The following PTPRD variants were observed in gnomAD, a reference collection of about 807,000 sequenced individuals.
PTPRD encodes the protein receptor-type tyrosine-protein phosphatase delta.
Under a neutral mutation model 214.5 loss-of-function variants are expected in PTPRD, and 34 were observed. That is an observed-to-expected ratio of 0.16 (90% confidence interval 0.12 to 0.21). The LOEUF is 0.21. PTPRD is among the 10% of genes least tolerant of loss of function. The pLI is 1.00. For missense variants in PTPRD, 2,545 were observed against 2,398.7 expected (o/e 1.06, Z -1.27); for synonymous variants, 1,128 against 845.7 (o/e 1.33, Z -5.79).
chr9:8,316,205 A>G lies in PTPRD; in HGVS notation c.*1669T>C, dbSNP rs1029966405. 4.7e-4 allele frequency: 108 copies of G among 229,694 alleles called. No individual in the cohort carries two copies. The highest frequency in any genetic ancestry group is 8.4e-4 in the Non-Finnish European group (97 of 115,546). The allele number at this position is 229,694 out of a possible 1,614,324, so 14.2% of individuals were successfully genotyped here. The stretch of plus-strand genomic sequence containing the variant: ...TCCCCGACTTGGCTGAAAACTAGGA[A>G]TGCATATTATTCAAAGAGTTTTTGT... On this transcript the variant is annotated 3_prime_UTR_variant, in exon 46 of 46. Coordinates refer to ENST00000381196, the MANE Select transcript of PTPRD (RefSeq NM_002839.4).
intron 8 of PTPRD, among the ~76,000 whole-genome samples, chr9:9,520,569 T>G (rs565132048): frequency 6.6e-6 from 1 of 152,292 alleles, no homozygotes; most frequent in South Asian, 2.1e-4. Flanking sequence ...CTCGTTTGCT[T>G]GCTTCACAAT....
intron 35 of PTPRD, among the ~76,000 whole-genome samples, chr9:8,405,056 C>T (rs537748556): frequency 1.3e-5 from 2 of 152,138 alleles, no homozygotes; most frequent in Non-Finnish European, 2.9e-5. Flanking sequence ...CCTATCTGGA[C>T]CTAAGCTGAG....
At chr9:9,765,041 G>A (rs1333208037) in intron 6 of PTPRD, among the ~76,000 whole-genome samples, 1 of 152,118 alleles carries the variant, frequency 6.6e-6, no homozygotes, top group Non-Finnish European at 1.5e-5. Flanking sequence ...ACAGAGATTT[G>A]TGCCTGGAGC....
intron 9 of PTPRD, among the ~76,000 whole-genome samples, chr9:9,362,440 C>G (rs2056509427): frequency 6.6e-6 from 1 of 151,124 alleles, no homozygotes; most frequent in African/African-American, 2.4e-5. Flanking sequence ...AGTGTGATAT[C>G]TACAATTCAA....
chr9:8,468,321 A>C (rs1254831701), intron 31 of PTPRD, among the ~76,000 whole-genome samples: 1 of 151,958 alleles, frequency 6.6e-6, no homozygotes, highest in African/African-American at 2.4e-5. Flanking sequence ...AAATGACCAC[A>C]TTATTTTACA....
chr9:8,453,772 G>A (rs1159751126), intron 33 of PTPRD, among the ~76,000 whole-genome samples: 1 of 152,130 alleles, frequency 6.6e-6, no homozygotes, highest in African/African-American at 2.4e-5. Flanking sequence ...TGATTTAGTA[G>A]GTCTGAGGCG....
intron 8 of PTPRD, among the ~76,000 whole-genome samples, chr9:9,551,463 A>G (rs2080216180): frequency 6.6e-6 from 1 of 151,866 alleles, no homozygotes; most frequent in Non-Finnish European, 1.5e-5. Context: ...TATTCTATAC[A>G]TAACACATTA....
At chr9:9,549,771 C>T (rs181820239) in intron 8 of PTPRD, among the ~76,000 whole-genome samples, 83 of 152,070 alleles carry the variant, frequency 5.5e-4, no homozygotes, top group Non-Finnish European at 8.1e-4. Flanking sequence ...AACCTCATAC[C>T]TTACATAAAA....
intron 8 of PTPRD, among the ~76,000 whole-genome samples, chr9:9,476,638 A>T (rs925726897): frequency 3.3e-5 from 5 of 152,224 alleles, no homozygotes; most frequent in African/African-American, 1.2e-4. Context: ...GTTGAATTTT[A>T]CCTATGTATA....
chr9:8,770,656 CT>C (rs1205718048), intron 11 of PTPRD, among the ~76,000 whole-genome samples: 2 of 152,034 alleles, frequency 1.3e-5, no homozygotes, highest in African/African-American at 4.8e-5. Context: ...CTTGCTTGAC[CT>C]TTTTTTAAAT....
At chr9:10,194,335 TATATATATATAGAGAGAGAGAGAGAGAG>T (rs756621319) in intron 3 of PTPRD, among the ~76,000 whole-genome samples, 901 of 66,406 alleles carry the variant, frequency 0.014, 22 homozygotes, top group South Asian at 0.015. Context: ...TATATATATA[TATATATATATAGAGAGAGAGAGAGAGAG>T]AGAGAGAGAG....
At chr9:10,078,042 C>G (rs938648643) in intron 3 of PTPRD, among the ~76,000 whole-genome samples, 3 of 151,760 alleles carry the variant, frequency 2.0e-5, no homozygotes, top group African/African-American at 7.3e-5. Flanking sequence ...AATGAATTAT[C>G]TACAGACAAG....
At chr9:9,710,409 C>A (rs1333521937) in intron 7 of PTPRD, among the ~76,000 whole-genome samples, 3 of 151,850 alleles carry the variant, frequency 2.0e-5, no homozygotes, top group Non-Finnish European at 2.9e-5. Context: ...AATCACCTTT[C>A]CCATTATAAG....
chr9:9,646,594 C>G (rs1242511948), intron 7 of PTPRD, among the ~76,000 whole-genome samples: 3 of 151,950 alleles, frequency 2.0e-5, no homozygotes, highest in African/African-American at 7.3e-5. Flanking sequence ...AGGTATCAGC[C>G]AGCTATCATC....
At chr9:9,109,346 A>T (rs969073881) in intron 10 of PTPRD, among the ~76,000 whole-genome samples, 3 of 152,178 alleles carry the variant, frequency 2.0e-5, no homozygotes, top group African/African-American at 7.2e-5. Context: ...AAGAATGGTC[A>T]TGAAGAGAGG....
chr9:9,792,603 A>G (rs1239759556), intron 5 of PTPRD, among the ~76,000 whole-genome samples: 2 of 152,166 alleles, frequency 1.3e-5, no homozygotes, highest in African/African-American at 4.8e-5. Flanking sequence ...AATGTAAGAT[A>G]TTACATACAT....
chr9:8,735,517 T>C (rs1043714007), intron 11 of PTPRD, among the ~76,000 whole-genome samples: 1 of 152,216 alleles, frequency 6.6e-6, no homozygotes, highest in African/African-American at 2.4e-5. Context: ...TCCTGGGTGA[T>C]GCTGATGCTG....
chr9:8,435,557 G>A (rs1302694281), intron 35 of PTPRD, among the ~76,000 whole-genome samples: 2 of 152,144 alleles, frequency 1.3e-5, no homozygotes, highest in Non-Finnish European at 2.9e-5. Context: ...TTAATCTTAT[G>A]TTAAAACTGG....
intron 11 of PTPRD, among the ~76,000 whole-genome samples, chr9:8,978,681 A>T (rs2154338652): frequency 6.6e-6 from 1 of 152,252 alleles, no homozygotes; most frequent in Non-Finnish European, 1.5e-5. Context: ...TGCCAGGCAC[A>T]AGTATAACCT....
Sources: gnomAD v4.1 joint callset for allele counts (sites outside exome capture counted in the v4.1 genomes callset) on GRCh38, gnomAD v4.1.1 for gene constraint, MANE v1.5 for transcripts, NCBI Gene and HGNC (gene_info 2026-07-23, HGNC 2026-07-21) for gene names.